The following RIN2 variants were observed in gnomAD, a reference collection of about 807,000 sequenced individuals.
RIN2 encodes the protein Ras and Rab interactor 2.
RIN2 carries 36 observed loss-of-function variants against 78.0 expected under a neutral mutation model. The observed-to-expected ratio is 0.46, with a 90% CI of 0.35 to 0.61. The LOEUF (loss-of-function observed/expected upper bound fraction) is 0.61. Among genes scored for constraint, RIN2 ranks in the 20% least tolerant of loss-of-function variants. The pLI is 0.00. For missense variants in RIN2, 1,087 were observed against 1,159.7 expected, an observed-to-expected ratio of 0.94 and a Z score of 0.91; for synonymous variants, 466 against 466.8, an observed-to-expected ratio of 1.00 and a Z score of 0.02.
At chr20:19,955,217 T>G (rs1190439184) in intron 4 of RIN2, among the ~76,000 whole-genome samples, 1 of 152,220 alleles carries the variant, frequency 6.6e-6, no homozygotes, top group Non-Finnish European at 1.5e-5. Context: ...TATGTGGCCT[T>G]ATGTCTGGCT....
At chr20:19,815,160 A>T (rs2035724739) in intron 2 of RIN2, among the ~76,000 whole-genome samples, 1 of 152,134 alleles carries the variant, frequency 6.6e-6, no homozygotes, top group African/African-American at 2.4e-5. Flanking sequence ...TTTATTTTTT[A>T]AATTGCTTGT....
intron 2 of RIN2, among the ~76,000 whole-genome samples, chr20:19,808,100 T>C (rs2035464841): frequency 6.6e-6 from 1 of 152,272 alleles, no homozygotes; most frequent in Non-Finnish European, 1.5e-5. Flanking sequence ...TTGCATTGGC[T>C]AAGCAAGCAA....
At chr20:19,825,423 C>T (rs575618502) in intron 2 of RIN2, among the ~76,000 whole-genome samples, 3 of 152,174 alleles carry the variant, frequency 2.0e-5, no homozygotes, top group Admixed American at 6.5e-5. Context: ...GATGGAGCCT[C>T]GCTTTCAGAA....
chr20:19,969,653 G>C (rs2042043845), intron 7 of RIN2, among the ~76,000 whole-genome samples: 1 of 152,148 alleles, frequency 6.6e-6, no homozygotes. Context: ...ACTTCCGTCT[G>C]TTTCGTTCCC....
At chr20:19,957,959 A>G (rs2041607725) in intron 5 of RIN2, among the ~76,000 whole-genome samples, 1 of 152,230 alleles carries the variant, frequency 6.6e-6, no homozygotes, top group Non-Finnish European at 1.5e-5. Flanking sequence ...CAGATAAAAT[A>G]ATACTTAACA....
intron 1 of RIN2, among the ~76,000 whole-genome samples, chr20:19,759,469 A>ATC (rs759121987): frequency 6.6e-6 from 1 of 152,232 alleles, no homozygotes; most frequent in Non-Finnish European, 1.5e-5. Flanking sequence ...CATTAAGATA[A>ATC]ATAGTATTTT....
At chr20:19,792,964 T>C (rs1432573075) in intron 1 of RIN2, among the ~76,000 whole-genome samples, 2 of 152,032 alleles carry the variant, frequency 1.3e-5, no homozygotes, top group Non-Finnish European at 2.9e-5. Context: ...TGTGTGTGTG[T>C]GTGTGTCTGG....
At position 19,996,900 on chromosome 20, in the gene RIN2, AC is replaced by A; in HGVS notation, c.2364+61del. On this transcript the variant is annotated intron_variant, in intron 12 of 12. Transcript: ENST00000255006. ...TCCTCCAGGAATGCGGAGCTGGCTCACCCAGCACATCCCAGCTCAGAGGTCC... is the reference window on the plus strand; with the variant it reads ...TCCTCCAGGAATGCGGAGCTGGCTCACCAGCACATCCCAGCTCAGAGGTCC... 2.0e-6 allele frequency: 3 copies of A among 1,492,212 alleles called. No homozygotes were observed. The East Asian group carries it at 7.4e-5, about 37-fold the overall frequency. The allele number at this position is 1,492,212 out of a possible 1,614,324, so 92.4% of individuals were successfully genotyped here.
intron 1 of RIN2, among the ~76,000 whole-genome samples, chr20:19,768,884 T>C (rs1282179665): frequency 2.6e-5 from 4 of 151,982 alleles, no homozygotes; most frequent in African/African-American, 7.2e-5. Context: ...CCTATAGATA[T>C]ATAAATATTC....
At chr20:19,845,363 T>G (rs150524071) in intron 2 of RIN2, among the ~76,000 whole-genome samples, 3,033 of 152,210 alleles carry the variant, frequency 0.02, 104 homozygotes, top group African/African-American at 0.068. Context: ...GTGTAAAAGC[T>G]TTCCTATTTC....
At position 19,761,799 on chromosome 20, in the gene RIN2, A is replaced by G. The variant is rs2033651498; in HGVS notation, c.-163+3472A>G. Among the ~76,000 whole-genome samples, 3 of 152,182 alleles carry G rather than the reference A, an allele frequency of 2.0e-5. No homozygotes were observed. The South Asian group carries it at 6.2e-4, about 32-fold the overall frequency. ...GAATAGGTTCTTTGGGTTTGATCAG[A>G]TATGATCTGAGGGAACCCCAGCCTC... On this transcript the variant is annotated intron_variant, in intron 1 of 12. Transcript: ENST00000255006.
At chr20:19,816,639 G>A (rs193046582) in intron 2 of RIN2, among the ~76,000 whole-genome samples, 3 of 152,278 alleles carry the variant, frequency 2.0e-5, no homozygotes, top group East Asian at 1.9e-4. Flanking sequence ...CAGTGCACCC[G>A]GGTAGAAGTT....
chr20:19,798,674 A>G (rs2035145295), intron 1 of RIN2, among the ~76,000 whole-genome samples: 1 of 152,014 alleles, frequency 6.6e-6, no homozygotes, highest in Non-Finnish European at 1.5e-5. Context: ...GTGTAATAGG[A>G]TATTGGAATG....
chr20:19,772,032 G>A (rs1369820495), intron 1 of RIN2, among the ~76,000 whole-genome samples: 8 of 151,324 alleles, frequency 5.3e-5, no homozygotes, highest in Admixed American at 2.6e-4. Flanking sequence ...TCCTGCTTCC[G>A]TGGATAGAAC....
chr20:19,768,472 G>A (rs578258144), intron 1 of RIN2, among the ~76,000 whole-genome samples: 1 of 152,198 alleles, frequency 6.6e-6, no homozygotes, highest in Non-Finnish European at 1.5e-5. Flanking sequence ...CTCTGCATGC[G>A]GGCAAAGCGA....
At chr20:19,985,987 C>A (rs1355008964) in intron 9 of RIN2, among the ~76,000 whole-genome samples, 1 of 152,080 alleles carries the variant, frequency 6.6e-6, no homozygotes, top group Admixed American at 6.6e-5. Flanking sequence ...ATTTGAAGAT[C>A]CAGTGCAGGT....
At chr20:19,759,021 C>T (rs2033513488) in intron 1 of RIN2, among the ~76,000 whole-genome samples, 1 of 152,210 alleles carries the variant, frequency 6.6e-6, no homozygotes. Context: ...GGCCACTTTC[C>T]CACTTTGAGG....
At chr20:19,919,309 A>G (rs1057448992) in intron 3 of RIN2, among the ~76,000 whole-genome samples, 1 of 152,226 alleles carries the variant, frequency 6.6e-6, no homozygotes, top group African/African-American at 2.4e-5. Context: ...GCAACCAAAC[A>G]AGTCACTAAT....
chr20:19,908,162 A>G (rs1177032242), intron 3 of RIN2, among the ~76,000 whole-genome samples: 3 of 152,104 alleles, frequency 2.0e-5, no homozygotes, highest in Admixed American at 6.6e-5. Flanking sequence ...CTCATCCAAG[A>G]GGCATTATGT....
Sources: gnomAD v4.1 joint callset for allele counts (sites outside exome capture counted in the v4.1 genomes callset) on GRCh38, gnomAD v4.1.1 for gene constraint, MANE v1.5 for transcripts, NCBI Gene and HGNC (gene_info 2026-07-23, HGNC 2026-07-21) for gene names.